MTX2: variants seen among roughly 807,000 people sequenced by gnomAD.
The protein encoded by MTX2 is metaxin 2.
A neutral mutation model predicts 42.3 loss-of-function variants in MTX2; 35 were observed. The ratio of observed to expected loss-of-function variants is 0.83; its 90% CI spans 0.63 to 1.10. The LOEUF (loss-of-function observed/expected upper bound fraction) is 1.10, where lower values mean the gene tolerates loss of function less well. Among genes scored for constraint, MTX2 ranks in the 50% least tolerant of loss-of-function variants. The pLI, the probability that MTX2 is intolerant of heterozygous loss-of-function variation, is 0.00. For missense variants in MTX2, 307 were observed against 304.1 expected, an observed-to-expected ratio of 1.01 and a Z score of -0.07; for synonymous variants, 119 against 100.9, an observed-to-expected ratio of 1.18 and a Z score of -1.08.
In MTX2 at chr2:176,329,295, CT is replaced by C; in HGVS notation, c.418-3del. 1 of 1,593,322 alleles carries C rather than the reference CT, an allele frequency of 6.3e-7. No individual in the cohort carries two copies. On this transcript the variant is annotated splice_region_variant and splice_polypyrimidine_tract_variant and intron_variant, in intron 7 of 9. Coordinates refer to ENST00000249442, the MANE Select transcript of MTX2 (RefSeq NM_006554.5). ...TCACCTTTTTTACAAAATCTTTTTA[CT>C]TTAGATCACTCATGCTAGGTATGGA...
chr2:176,309,881 A>T (rs1684257843), intron 3 of MTX2, among the ~76,000 whole-genome samples: 1 of 152,042 alleles, frequency 6.6e-6, no homozygotes, highest in African/African-American at 2.4e-5. Flanking sequence ...GTGTCTTTTA[A>T]TTGGGGCATT....
chr2:176,309,602 ATAGT>A (rs1684245724), intron 3 of MTX2, among the ~76,000 whole-genome samples: 1 of 151,728 alleles, frequency 6.6e-6, no homozygotes, highest in African/African-American at 2.4e-5. Flanking sequence ...TATATTTAGG[ATAGT>A]TAGCTCTTCT....
At chr2:176,321,682 T>C (rs1033789954) in intron 3 of MTX2, among the ~76,000 whole-genome samples, 3 of 152,162 alleles carry the variant, frequency 2.0e-5, no homozygotes, top group Admixed American at 2.0e-4. Flanking sequence ...AAAGAGGAGA[T>C]ACTTTCTCCT....
At chr2:176,321,378 C>A (rs1276249189) in intron 3 of MTX2, among the ~76,000 whole-genome samples, 1 of 152,132 alleles carries the variant, frequency 6.6e-6, no homozygotes, top group Non-Finnish European at 1.5e-5. Flanking sequence ...GAAGAATCAA[C>A]TTCTGGTGGG....
At chr2:176,328,711 G>A (rs72925142) in intron 6 of MTX2, among the ~76,000 whole-genome samples, 163 bp from the exon 7 acceptor site, 19,246 of 151,134 alleles carry the variant, frequency 0.13, 1,643 homozygotes, top group South Asian at 0.3. Context: ...TTTTTATAAC[G>A]TACCATCATT....
intron 3 of MTX2, among the ~76,000 whole-genome samples, chr2:176,301,485 C>A (rs1575045274): frequency 6.6e-6 from 1 of 152,092 alleles, no homozygotes; most frequent in East Asian, 1.9e-4. Flanking sequence ...ATAAATAATC[C>A]TTTCACACAG....
intron 5 of MTX2, among the ~76,000 whole-genome samples, chr2:176,327,186 A>G (rs986053575): frequency 8.6e-5 from 13 of 151,378 alleles, no homozygotes; most frequent in Non-Finnish European, 1.9e-4. Context: ...TTTCTAACTT[A>G]TGCTTACTAC....
chr2:176,274,781 A>G (rs997605139), intron 1 of MTX2, among the ~76,000 whole-genome samples: 2 of 152,080 alleles, frequency 1.3e-5, no homozygotes, highest in African/African-American at 4.8e-5. Flanking sequence ...GCCACTTAGG[A>G]TACTCTCCCT....
intron 4 of MTX2, among the ~76,000 whole-genome samples, chr2:176,325,311 T>C (rs1316850526): frequency 6.6e-6 from 1 of 151,786 alleles, no homozygotes; most frequent in African/African-American, 2.4e-5. Flanking sequence ...ATAACTGTCT[T>C]ACTGTGTTTT....
At chr2:176,337,431 T>A (rs1685019056) in intron 9 of MTX2, 62 bp from the exon 10 acceptor site, 1 of 1,406,202 alleles carries the variant, frequency 7.1e-7, no homozygotes, top group African/African-American at 1.5e-5. Flanking sequence ...GAGGGCCAAC[T>A]GTGTTTTCTA....
chr2:176,337,572 GAGA>G lies in MTX2; in HGVS notation c.703_705del (p.Lys235del). On this transcript the variant is annotated inframe_deletion, in exon 10 of 10. Transcript: ENST00000249442. Reference sequence around the variant, plus strand: ...ACAATTGACAAATGATGAACTTTCTGAGAAGGTGAAAAACTATAGCAACCTCCT... The same window carrying G: ...ACAATTGACAAATGATGAACTTTCTGAGGTGAAAAACTATAGCAACCTCCT... 2 of 1,613,386 alleles carry G rather than the reference GAGA, an allele frequency of 1.2e-6. No homozygotes were observed. The highest frequency in any genetic ancestry group is 1.7e-6 in the Non-Finnish European group (2 of 1,179,548).
At chr2:176,277,621 C>T (rs1395750306) in intron 1 of MTX2, among the ~76,000 whole-genome samples, 3 of 152,116 alleles carry the variant, frequency 2.0e-5, no homozygotes, top group Non-Finnish European at 2.9e-5. Flanking sequence ...AGGCTGGTCT[C>T]GAACTCCCGA....
intron 5 of MTX2, among the ~76,000 whole-genome samples, chr2:176,327,276 GAA>G (rs1463823644): frequency 6.6e-6 from 1 of 150,994 alleles, no homozygotes; most frequent in Non-Finnish European, 1.5e-5. Context: ...GGATTTGTTT[GAA>G]GTTGAATGTA....
At chr2:176,331,564 TATTTA>T (rs1684865377) in intron 9 of MTX2, among the ~76,000 whole-genome samples, 1 of 151,180 alleles carries the variant, frequency 6.6e-6, no homozygotes, top group South Asian at 2.1e-4. Context: ...AGTTTGGAAA[TATTTA>T]AGTTATATTA....
chr2:176,291,905 G>T (rs1693337714), intron 1 of MTX2, among the ~76,000 whole-genome samples: 10 of 152,138 alleles, frequency 6.6e-5, no homozygotes, highest in Admixed American at 6.5e-4. Flanking sequence ...GAGAGTCAAG[G>T]TTAGGGATGT....
chr2:176,337,133 C>T (rs192580164), intron 9 of MTX2, among the ~76,000 whole-genome samples: 8 of 152,154 alleles, frequency 5.3e-5, no homozygotes, highest in Non-Finnish European at 1.0e-4. Flanking sequence ...CCTCCACCTC[C>T]CGGGCTTAAG....
At chr2:176,320,654 T>C (rs966248983) in intron 3 of MTX2, among the ~76,000 whole-genome samples, 1 of 151,954 alleles carries the variant, frequency 6.6e-6, no homozygotes, top group Non-Finnish European at 1.5e-5. Context: ...CAAAAACAGA[T>C]CTCTCCAGCT....
At chr2:176,271,744 C>T (rs1692815229) in intron 1 of MTX2, among the ~76,000 whole-genome samples, 1 of 152,154 alleles carries the variant, frequency 6.6e-6, no homozygotes, top group Admixed American at 6.5e-5. Context: ...CCTGAAAATT[C>T]TACTTATGGG....
At position 176,332,841 on chromosome 2, in the gene MTX2, A is replaced by G. The variant is rs532110858; in HGVS notation, c.620+2181A>G. Among the ~76,000 whole-genome samples the G allele has an allele frequency of 1.0e-3, 154 of 151,634 alleles. 1 individual carries two copies. Among genetic ancestry groups the G allele is most frequent in the Non-Finnish European group, 1.8e-3 (124 of 67,556 alleles). On this transcript the variant is annotated intron_variant, in intron 9 of 9. Transcript: ENST00000249442. Reference sequence around the variant, plus strand: ...AAAATTAATGCTTTTGAAAGCATTAATATAGATGATACTATGAAGGTATCA... The same window carrying G: ...AAAATTAATGCTTTTGAAAGCATTAGTATAGATGATACTATGAAGGTATCA...
Sources: allele counts gnomAD v4.1 joint callset (sites outside exome capture counted in the v4.1 genomes callset), GRCh38; gene constraint gnomAD v4.1.1; transcripts MANE v1.5; gene names NCBI Gene and HGNC (gene_info 2026-07-23, HGNC 2026-07-21).